PHF20L1: variants seen among roughly 807,000 people sequenced by gnomAD.
PHF20L1 encodes PHD finger protein 20 like 1.
PHF20L1 carries 44 observed loss-of-function variants against 125.5 expected under a neutral mutation model. The ratio of observed to expected loss-of-function variants is 0.35; its 90% confidence interval spans 0.28 to 0.45. PHF20L1 has a LOEUF of 0.45. PHF20L1 is among the 20% of genes least tolerant of loss of function. The probability of loss-of-function intolerance (pLI) is 1.00; values close to 1 mark genes in which losing one functional copy is unlikely to be tolerated. For missense variants in PHF20L1, 1,012 were observed against 1,217.2 expected (o/e 0.83, Z 2.51); for synonymous variants, 380 against 403.1 (o/e 0.94, Z 0.69).
rs1311628588 is a variant in PHF20L1, at chr8:132,837,723, C to T, written c.2103C>T (p.Cys701=). ...TCTGTTTTCTGCAGTGTGAAGAGTG[C>T]TTGTGTTGGCAACACAGCGTGTGCA... is the stretch of plus-strand genomic sequence containing the variant. ...ENGFMIQCEE[C]LCWQHSVCMG... is the part of the protein sequence containing the mutation. The change falls in exon 17 of 21, where the codon TGC becomes TGT. Residue 701 remains cysteine (C), a synonymous_variant. Coordinates refer to ENST00000395386, the MANE Select transcript of PHF20L1 (RefSeq NM_016018.5). The T allele has an allele frequency of 1.2e-5, 20 of 1,612,020 alleles. No individual in the cohort carries two copies. Among genetic ancestry groups the T allele is most frequent in the Non-Finnish European group, 1.7e-5 (20 of 1,178,558 alleles).
chr8:132,841,903 C>G (rs900308115), intron 18 of PHF20L1: 6 of 152,096 alleles, frequency 3.9e-5, no homozygotes, highest in African/African-American at 1.4e-4. Flanking sequence ...AACTCTTCAG[C>G]CCTAGAGTAA....
intron 12 of PHF20L1, chr8:132,819,036 T>C (rs1835288736): frequency 6.6e-6 from 1 of 151,926 alleles, no homozygotes; most frequent in Admixed American, 6.6e-5. Context: ...TGATTGTGCA[T>C]GGAAGTCCTT....
chr8:132,778,259 T>C (rs948823574), intron 2 of PHF20L1, among the ~76,000 whole-genome samples: 6 of 152,196 alleles, frequency 3.9e-5, no homozygotes, highest in Non-Finnish European at 4.4e-5. Flanking sequence ...CAACTTCTCA[T>C]GTTTTGGATA....
intron 2 of PHF20L1, chr8:132,788,946 A>G (rs1172927928): frequency 6.6e-6 from 1 of 152,074 alleles, no homozygotes; most frequent in African/African-American, 2.4e-5. Flanking sequence ...ATCTACACCA[A>G]GCACATAGCA....
intron 4 of PHF20L1, among the ~76,000 whole-genome samples, chr8:132,798,085 C>G (rs962880392): frequency 1.3e-5 from 2 of 151,946 alleles, no homozygotes; most frequent in African/African-American, 4.8e-5. Flanking sequence ...TTGAGTCCTT[C>G]AAGTAGGATG....
chr8:132,782,928 T>G (rs900638213), intron 2 of PHF20L1, among the ~76,000 whole-genome samples: 1 of 152,162 alleles, frequency 6.6e-6, no homozygotes, highest in Non-Finnish European at 1.5e-5. Context: ...CCACAGAGTT[T>G]TATAGAGTTT....
intron 2 of PHF20L1, among the ~76,000 whole-genome samples, chr8:132,785,909 A>C (rs1316157252): frequency 6.6e-6 from 1 of 152,124 alleles, no homozygotes; most frequent in Non-Finnish European, 1.5e-5. Flanking sequence ...TGGTGTATCT[A>C]CAAGGCCTTA....
rs1563825245 is a variant in PHF20L1, at chr8:132,817,511, A to G, written c.1545A>G (p.Ala515=). 2.5e-6 allele frequency: 4 copies of G among 1,612,076 alleles called. No homozygotes were observed. The highest frequency in any genetic ancestry group is 3.4e-6 in the Non-Finnish European group (4 of 1,178,982). Residue 515 remains alanine, a synonymous_variant, in exon 12 of 21, where the codon GCA becomes GCG. Coordinates refer to ENST00000395386, the MANE Select transcript of PHF20L1 (RefSeq NM_016018.5). ...TQMLPNPSSK[A]IADGRGAPAA... is the part of the protein sequence containing the mutation. ...TGCTTCCAAATCCTTCTTCCAAAGC[A>G]ATAGCTGATGGAAGAGGAGCTCCAG...
chr8:132,786,536 G>C (rs961991490), intron 2 of PHF20L1, among the ~76,000 whole-genome samples: 1 of 152,012 alleles, frequency 6.6e-6, no homozygotes, highest in Non-Finnish European at 1.5e-5. Flanking sequence ...TTTGGTAAGA[G>C]CCCCCTATAT....
intron 2 of PHF20L1, among the ~76,000 whole-genome samples, chr8:132,791,768 G>A (rs764108099): frequency 2.6e-5 from 4 of 152,004 alleles, no homozygotes; most frequent in Non-Finnish European, 1.5e-5. Flanking sequence ...TTAATTCTTG[G>A]CCTTCATCCC....
intron 2 of PHF20L1, among the ~76,000 whole-genome samples, chr8:132,790,268 G>GT (rs1445727400): frequency 1.3e-5 from 2 of 152,128 alleles, no homozygotes; most frequent in Non-Finnish European, 1.5e-5. Flanking sequence ...GTTCAGCAGC[G>GT]TTTTTTCTTC....
intron 18 of PHF20L1, among the ~76,000 whole-genome samples, chr8:132,840,084 C>T (rs1393024411): frequency 1.3e-5 from 2 of 152,046 alleles, no homozygotes; most frequent in African/African-American, 4.8e-5. Context: ...CTTTAAAGAA[C>T]GTATCAGAAT....
Position 132,794,346 on chromosome 8 carries a change from T to C in PHF20L1, c.84-64T>C, listed in dbSNP as rs912668389. On this transcript the variant is annotated intron_variant, in intron 2 of 20. Coordinates refer to ENST00000395386, the MANE Select transcript of PHF20L1 (RefSeq NM_016018.5). The stretch of plus-strand genomic sequence containing the variant: ...TAAGCAACATTCAGCTAAATCTATG[T>C]ATAATGCTTTGTATAAACAAATATA... The C allele has an allele frequency of 1.7e-5, 17 of 981,500 alleles. No homozygotes were observed. In the Middle Eastern group the frequency reaches 6.4e-4, roughly 37 times the overall value. The allele number at this position is 981,500 out of a possible 1,614,324, so 60.8% of individuals were successfully genotyped here.
intron 8 of PHF20L1, chr8:132,809,042 A>G (rs1202992046): frequency 6.6e-6 from 1 of 151,858 alleles, no homozygotes; most frequent in Non-Finnish European, 1.5e-5. Flanking sequence ...AAATGTATCA[A>G]AATCATTGTC....
intron 6 of PHF20L1, among the ~76,000 whole-genome samples, chr8:132,802,317 T>G (rs1833164542): frequency 6.6e-6 from 1 of 151,732 alleles, no homozygotes; most frequent in Admixed American, 6.6e-5. Context: ...TTTTTCCTTT[T>G]GCTTGGAGTA....
In PHF20L1 at chr8:132,775,506, C is replaced by A; in HGVS notation, c.-177C>A. 5.3e-6 allele frequency: 2 copies of A among 376,058 alleles called. No homozygotes were observed. The highest frequency in any genetic ancestry group is 9.5e-6 in the Non-Finnish European group (2 of 211,482). 23.3% of individuals were successfully genotyped at this position (376,058 alleles called of 1,614,324 possible). ...ACCTTGGGCGGATCCGGCGCTGCGG[C>A]CCCAGCTCGCTCCGCTCCTGCTCCC... On this transcript the variant is annotated 5_prime_UTR_variant, in exon 1 of 21. Transcript: ENST00000395386.
chr8:132,776,049 G>A (rs888369151), intron 1 of PHF20L1, among the ~76,000 whole-genome samples: 3 of 152,060 alleles, frequency 2.0e-5, no homozygotes, highest in African/African-American at 7.2e-5. Context: ...AACTTCCACT[G>A]TCCTATTTCT....
chr8:132,823,707 A>G (rs1835847497), intron 12 of PHF20L1, among the ~76,000 whole-genome samples: 1 of 151,980 alleles, frequency 6.6e-6, no homozygotes, highest in South Asian at 2.1e-4. Flanking sequence ...AGATAAGGAA[A>G]CAGAAGCACA....
chr8:132,788,292 A>G (rs1831282152), intron 2 of PHF20L1, among the ~76,000 whole-genome samples: 1 of 152,180 alleles, frequency 6.6e-6, no homozygotes, highest in African/African-American at 2.4e-5. Flanking sequence ...ATTTACATGA[A>G]TTAGACATCC....
Sources: allele counts gnomAD v4.1 joint callset (sites outside exome capture counted in the v4.1 genomes callset), GRCh38; gene constraint gnomAD v4.1.1; transcripts MANE v1.5; gene names NCBI Gene and HGNC (gene_info 2026-07-23, HGNC 2026-07-21).